Variants in MRM1 observed in about 807,000 individuals in gnomAD.
The protein encoded by MRM1 is mitochondrial rRNA methyltransferase 1.
In MRM1, 24 loss-of-function variants were observed where a neutral mutation model predicts 25.0. The observed-to-expected ratio is 0.96, with a 90% CI of 0.69 to 1.35. MRM1 has a LOEUF of 1.35. Among genes scored for constraint, MRM1 ranks in the 40% most tolerant of loss-of-function variants. The pLI, the probability that MRM1 is intolerant of heterozygous loss-of-function variation, is 0.00. For synonymous variants in MRM1, 188 were observed against 199.2 expected (o/e 0.94, Z 0.47); for missense variants, 431 against 464.1 (o/e 0.93, Z 0.65).
At chr17:36,628,654 G>A in the MRM1 span, among the ~76,000 whole-genome samples, 2 of 152,172 alleles carry the variant, frequency 1.3e-5, no homozygotes, top group South Asian at 4.2e-4. Context: ...CAGCGATGGA[G>A]GCCCTGAGAG....
the MRM1 span, among the ~76,000 whole-genome samples, chr17:36,622,241 C>T: frequency 2.0e-5 from 3 of 152,096 alleles, no homozygotes; most frequent in Non-Finnish European, 4.4e-5. Flanking sequence ...CTGCTGATTT[C>T]CTTGCGATGT....
Position 36,608,681 on chromosome 17 carries a change from C to T in MRM1, c.*266C>T, listed in dbSNP as rs1206460573. 3 of 388,758 alleles carry T rather than the reference C, an allele frequency of 7.7e-6. No individual in the cohort carries two copies. The highest frequency in any genetic ancestry group is 1.4e-5 in the Non-Finnish European group (3 of 219,938). 24.1% of individuals were successfully genotyped at this position (388,758 alleles called of 1,614,324 possible). ...AGCATGGAGGGAATCTGTTCCCAGG[C>T]CCTGCCTGGAAGTTGAGGGAAAGTT... is the stretch of plus-strand genomic sequence containing the variant. On this transcript the variant is annotated 3_prime_UTR_variant, in exon 5 of 5. Coordinates refer to ENST00000614766, the MANE Select transcript of MRM1 (RefSeq NM_024864.5).
downstream of MRM1, among the ~76,000 whole-genome samples, chr17:36,613,633 C>G (rs1216430197): frequency 1.3e-5 from 2 of 152,212 alleles, no homozygotes; most frequent in Non-Finnish European, 1.5e-5. Context: ...AAGCGGAGAG[C>G]AGGGAAAGCA....
At chr17:36,632,532 A>G in the MRM1 span, among the ~76,000 whole-genome samples, 1 of 152,148 alleles carries the variant, frequency 6.6e-6, no homozygotes, top group Non-Finnish European at 1.5e-5. Context: ...AATCTGTGTC[A>G]GGTGCCTCCA....
chr17:36,626,485 C>G, the MRM1 span, among the ~76,000 whole-genome samples: 25 of 152,296 alleles, frequency 1.6e-4, no homozygotes, highest in Middle Eastern at 3.4e-3. Flanking sequence ...GCCTCAGCCT[C>G]CTGACTAGCT....
At chr17:36,609,022 C>CT (rs1409928354), downstream of MRM1, 4 of 152,442 alleles carry the variant, frequency 2.6e-5, 1 homozygote, top group Admixed American at 2.6e-4. Context: ...TCGGTCCAGT[C>CT]TTCAGGCAGC....
rs1337774518 is a variant in MRM1, at chr17:36,607,500, G to A, written c.637-170G>A. ...TAGCCGGGTGGGGTGGCGAGTGCCT[G>A]TAGTCCCAGCTACTTGGGAGGCTGA... On this transcript the variant is annotated intron_variant, in intron 2 of 4. Transcript: ENST00000614766. Among the ~76,000 whole-genome samples the A allele has an allele frequency of 2.0e-5, 3 of 152,136 alleles. No homozygotes were observed. The East Asian group carries it at 5.8e-4, about 30-fold the overall frequency.
At position 36,608,632 on chromosome 17, in the gene MRM1, T is replaced by G; in HGVS notation, c.*217T>G. On this transcript the variant is annotated 3_prime_UTR_variant, in exon 5 of 5. Transcript: ENST00000614766. ...TAGTAGGACATGGTGATTTGTTAAT[T>G]TCCATGGGAAGCCATGATGGCCTAG... is the stretch of plus-strand genomic sequence containing the variant. 1 of 401,996 alleles carries G rather than the reference T, an allele frequency of 2.5e-6. No homozygotes were observed. The allele number at this position is 401,996 out of a possible 1,614,324, so 24.9% of individuals were successfully genotyped here.
Position 36,607,970 on chromosome 17 carries a change from C to G in MRM1, c.841C>G (p.Arg281Gly). Residue 281 changes from arginine to glycine, a missense_variant, in exon 4 of 5, where the codon CGC becomes GGC. By Grantham distance (125) the Arg-to-Gly change is moderately radical. Coordinates refer to ENST00000614766, the MANE Select transcript of MRM1 (RefSeq NM_024864.5). ...CQLLLTILPRRQLPPGLESLN... is the reference protein window; with the variant it reads ...CQLLLTILPRGQLPPGLESLN... ...GCTTCTCCTCACCATCCTGCCCCGGCGCCAGCTGCCTCCTGGACTTGAGTC... is the reference window on the plus strand; with the variant it reads ...GCTTCTCCTCACCATCCTGCCCCGGGGCCAGCTGCCTCCTGGACTTGAGTC... 2.5e-6 allele frequency: 4 copies of G among 1,614,162 alleles called. No homozygotes were observed. Among genetic ancestry groups the G allele is most frequent in the Non-Finnish European group, 3.4e-6 (4 of 1,180,040 alleles).
rs1340014400 is a variant in MRM1 at position 36,601,606 on chromosome 17, G to C, written c.-205G>C. The C allele has an allele frequency of 2.0e-6, 1 of 493,982 alleles. No individual in the cohort carries two copies. Among genetic ancestry groups the C allele is most frequent in the African/African-American group, 2.0e-5 (1 of 50,814 alleles). 30.6% of individuals were successfully genotyped at this position (493,982 alleles called of 1,614,324 possible). A position where few individuals can be genotyped will look rare whatever the true frequency, so the allele number is the denominator to read the frequency against. On this transcript the variant is annotated 5_prime_UTR_variant, in exon 1 of 5. Transcript: ENST00000614766. ...CCGAACCCGGAAGCGAGGGACCCAC[G>C]TGGGAGCCTGGGAGCGGGTGGTCGT... is the stretch of plus-strand genomic sequence containing the variant.
chr17:36,625,462 C>CTTTTTTTTTTTTTTTTTTTTTTTTTT, the MRM1 span, among the ~76,000 whole-genome samples: 1 of 102,002 alleles, frequency 9.8e-6, no homozygotes, highest in Non-Finnish European at 1.8e-5. Context: ...CCTCCTCCTC[C>CTTTTTTTTTTTTTTTTTTTTTTTTTT]TTTTTTTTTT....
At chr17:36,623,592 C>T in the MRM1 span, among the ~76,000 whole-genome samples, 2 of 152,324 alleles carry the variant, frequency 1.3e-5, no homozygotes, top group South Asian at 4.1e-4. Flanking sequence ...CCATTCAGTT[C>T]ATCCCTCTGT....
the MRM1 span, among the ~76,000 whole-genome samples, chr17:36,625,269 G>A: frequency 6.6e-6 from 1 of 151,968 alleles, no homozygotes; most frequent in South Asian, 2.1e-4. Flanking sequence ...GAGCATAATG[G>A]TCAACACTGT....
chr17:36,608,506 T>G lies in MRM1; in HGVS notation c.*91T>G. Reference sequence around the variant, plus strand: ...AGTGTGCGGGGAGCCTCTGCCTGAGTGTGCACCAGGCCCATGTTTATTGAC... The same window carrying G: ...AGTGTGCGGGGAGCCTCTGCCTGAGGGTGCACCAGGCCCATGTTTATTGAC... On this transcript the variant is annotated 3_prime_UTR_variant, in exon 5 of 5. Coordinates refer to ENST00000614766, the MANE Select transcript of MRM1 (RefSeq NM_024864.5). The G allele has an allele frequency of 1.4e-6, 1 of 710,424 alleles. No individual in the cohort carries two copies. Among genetic ancestry groups the G allele is most frequent in the Non-Finnish European group, 2.0e-6 (1 of 507,158 alleles). 44.0% of individuals were successfully genotyped at this position (710,424 alleles called of 1,614,324 possible).
Position 36,602,223 on chromosome 17 carries a change from G to C in MRM1, c.413G>C (p.Ser138Thr). The change falls in exon 1 of 5, where the codon AGC becomes ACC. Residue 138 changes from serine (S) to threonine (T), a missense_variant. Ser to Thr is a moderately conservative substitution (Grantham distance 58). Coordinates refer to ENST00000614766, the MANE Select transcript of MRM1 (RefSeq NM_024864.5). This position sits in a 1 kb window ranked among gnomAD's most constrained non-coding sequence, Gnocchi z 4.1. ...PRPWREAGEA[S>T]PGDDPQQLWL... ...CCTTGGAGAGAGGCCGGGGAGGCGAGCCCAGGCGACGACCCCCAGCAGTTG... is the reference window on the plus strand; with the variant it reads ...CCTTGGAGAGAGGCCGGGGAGGCGACCCCAGGCGACGACCCCCAGCAGTTG... The C allele has an allele frequency of 6.2e-7, 1 of 1,610,606 alleles. No homozygotes were observed. Among genetic ancestry groups the C allele is most frequent in the Admixed American group, 1.7e-5 (1 of 59,992 alleles).
the MRM1 span, among the ~76,000 whole-genome samples, chr17:36,629,794 G>A: frequency 6.6e-6 from 1 of 152,308 alleles, no homozygotes; most frequent in South Asian, 2.1e-4. Flanking sequence ...TAAGGGCCTG[G>A]GGAAGGTTGT....
chr17:36,606,669 G>T (rs1364749323), intron 2 of MRM1, among the ~76,000 whole-genome samples: 4 of 149,950 alleles, frequency 2.7e-5, no homozygotes, highest in African/African-American at 9.9e-5. Context: ...AGGCAGTGGT[G>T]TGCTCTCAGC....
intron 2 of MRM1, chr17:36,603,003 C>A (rs1447710481): frequency 1.0e-6 from 1 of 985,198 alleles, no homozygotes; most frequent in Non-Finnish European, 1.2e-6. Context: ...TCGAATAGGG[C>A]ACAGCTTGAA....
the MRM1 span, among the ~76,000 whole-genome samples, chr17:36,622,951 A>T: frequency 6.6e-6 from 1 of 152,234 alleles, no homozygotes; most frequent in African/African-American, 2.4e-5. Flanking sequence ...CGCTAGGCGC[A>T]GAGGTCAGCT....
Sources: allele counts gnomAD v4.1 joint callset (sites outside exome capture counted in the v4.1 genomes callset), GRCh38; gene constraint gnomAD v4.1.1; non-coding constraint Gnocchi (gnomAD v3.1); transcripts MANE v1.5; gene names NCBI Gene and HGNC (gene_info 2026-07-23, HGNC 2026-07-21).